ARHGAP18: variants seen among roughly 807,000 people sequenced by gnomAD.
ARHGAP18 encodes the protein Rho GTPase activating protein 18.
A neutral mutation model predicts 86.2 loss-of-function variants in ARHGAP18; 67 were observed. That is an observed-to-expected ratio of 0.78 (90% CI 0.64 to 0.95). The LOEUF (loss-of-function observed/expected upper bound fraction) is 0.95. ARHGAP18 is among the 40% of genes least tolerant of loss of function. The probability of loss-of-function intolerance (pLI) is 0.00; values close to 1 mark genes in which losing one functional copy is unlikely to be tolerated. For synonymous variants in ARHGAP18, 283 were observed against 280.4 expected (o/e 1.01, Z -0.09); for missense variants, 691 against 780.4 (o/e 0.89, Z 1.37).
At chr6:129,614,477 C>T (rs954911275) in intron 7 of ARHGAP18, among the ~76,000 whole-genome samples, 6 of 151,964 alleles carry the variant, frequency 3.9e-5, no homozygotes, top group African/African-American at 1.5e-4. Flanking sequence ...GATAAGACAG[C>T]CAGAGTCTGC....
At chr6:129,609,044 A>G (rs1584042531) in intron 8 of ARHGAP18, among the ~76,000 whole-genome samples, 1 of 143,146 alleles carries the variant, frequency 7.0e-6, no homozygotes, top group African/African-American at 2.6e-5. Flanking sequence ...AGAAAAAGGG[A>G]GTGGGAGATA....
chr6:129,617,306 T>C (rs887973055), intron 6 of ARHGAP18, among the ~76,000 whole-genome samples: 5 of 152,148 alleles, frequency 3.3e-5, no homozygotes, highest in African/African-American at 1.2e-4. Flanking sequence ...TTTTCCTTTA[T>C]GACGTACATC....
At chr6:129,651,590 GGC>G in intron 1 of ARHGAP18, among the ~76,000 whole-genome samples, 1 of 152,122 alleles carries the variant, frequency 6.6e-6, no homozygotes, top group African/African-American at 2.4e-5. Flanking sequence ...CTGAACTAGT[GGC>G]CCAGACAACT....
At chr6:129,634,462 C>A (rs978085927) in intron 3 of ARHGAP18, among the ~76,000 whole-genome samples, 1 of 152,070 alleles carries the variant, frequency 6.6e-6, no homozygotes, top group Non-Finnish European at 1.5e-5. Context: ...TCTATCTGTA[C>A]AGTGGAATAT....
chr6:129,623,416 G>A (rs1425136222), intron 5 of ARHGAP18, among the ~76,000 whole-genome samples: 2 of 152,052 alleles, frequency 1.3e-5, no homozygotes, highest in African/African-American at 2.4e-5. Flanking sequence ...TCAAACTAAA[G>A]CAAATTAAAG....
At chr6:129,638,252 T>A (rs1562704707) in intron 3 of ARHGAP18, 142 bp downstream of exon 3, 14 of 815,242 alleles carry the variant, frequency 1.7e-5, no homozygotes. Flanking sequence ...CAAGTCTCTC[T>A]TGTTTCCTGC....
intron 3 of ARHGAP18, among the ~76,000 whole-genome samples, chr6:129,635,499 C>T (rs1773313823): frequency 1.3e-5 from 2 of 152,212 alleles, no homozygotes; most frequent in African/African-American, 4.8e-5. Flanking sequence ...AGAGGCTGGC[C>T]CTGCATGGCA....
intron 14 of ARHGAP18, among the ~76,000 whole-genome samples, chr6:129,579,352 A>C (rs1788241318): frequency 6.6e-6 from 1 of 152,112 alleles, no homozygotes; most frequent in Admixed American, 6.6e-5. Flanking sequence ...TTAACTTTTA[A>C]TATTTACTAA....
chr6:129,612,179 T>TTCTTTG (rs1562689647), intron 7 of ARHGAP18, among the ~76,000 whole-genome samples: 1 of 152,160 alleles, frequency 6.6e-6, no homozygotes, highest in African/African-American at 2.4e-5. Flanking sequence ...CAAAAAGCAT[T>TTCTTTG]TTTTTGTTTT....
At chr6:129,661,402 T>C (rs867437576) in intron 1 of ARHGAP18, among the ~76,000 whole-genome samples, 15 of 149,892 alleles carry the variant, frequency 1.0e-4, no homozygotes, top group Non-Finnish European at 1.5e-4. Flanking sequence ...ATGATGAATA[T>C]AAAAATATTA....
chr6:129,680,006 A>C (rs1206257405), intron 1 of ARHGAP18, among the ~76,000 whole-genome samples: 4 of 152,162 alleles, frequency 2.6e-5, no homozygotes, highest in African/African-American at 9.7e-5. Context: ...CCATCTTTAC[A>C]TGCTTCTCCT....
intron 7 of ARHGAP18, among the ~76,000 whole-genome samples, chr6:129,614,708 G>A (rs945664722): frequency 2.0e-5 from 3 of 151,252 alleles, no homozygotes; most frequent in African/African-American, 7.3e-5. Context: ...ATAGCGCCCA[G>A]GTGTTCAGTC....
intron 1 of ARHGAP18, among the ~76,000 whole-genome samples, chr6:129,665,922 G>A (rs1774027763): frequency 6.6e-6 from 1 of 152,156 alleles, no homozygotes. Context: ...GCTCAATGAT[G>A]TGCATCTCTT....
intron 12 of ARHGAP18, among the ~76,000 whole-genome samples, chr6:129,593,563 A>C (rs1788559410): frequency 6.6e-6 from 1 of 152,240 alleles, no homozygotes; most frequent in Non-Finnish European, 1.5e-5. Context: ...ATTTTATAAA[A>C]GAAACTGAAG....
At chr6:129,612,247 C>G (rs1788995105) in intron 7 of ARHGAP18, among the ~76,000 whole-genome samples, 1 of 152,154 alleles carries the variant, frequency 6.6e-6, no homozygotes, top group African/African-American at 2.4e-5. Context: ...ATTACAATGA[C>G]TACTGGAGGC....
chr6:129,585,178 G>C (rs1385887261), intron 12 of ARHGAP18, among the ~76,000 whole-genome samples: 2 of 151,794 alleles, frequency 1.3e-5, no homozygotes, highest in African/African-American at 4.8e-5. Context: ...TGTAATCCCA[G>C]CTACTCGGGA....
intron 1 of ARHGAP18, among the ~76,000 whole-genome samples, chr6:129,697,653 T>G (rs188428770): frequency 6.6e-6 from 1 of 152,328 alleles, no homozygotes; most frequent in Non-Finnish European, 1.5e-5. Context: ...TGCCTAAATA[T>G]ATCCAGTGTG....
intron 12 of ARHGAP18, among the ~76,000 whole-genome samples, chr6:129,586,054 T>C (rs1788389795): frequency 6.6e-6 from 1 of 152,208 alleles, no homozygotes; most frequent in East Asian, 1.9e-4. Flanking sequence ...CTTCTTGCAA[T>C]GGATGGGGCA....
intron 5 of ARHGAP18, among the ~76,000 whole-genome samples, chr6:129,625,475 TTATATTA>T (rs1789386261): frequency 2.9e-5 from 1 of 34,052 alleles, no homozygotes; most frequent in Non-Finnish European, 5.1e-5. Flanking sequence ...AATATATATT[TTATATTA>T]TATATTATAT....
Sources: gnomAD v4.1 joint callset for allele counts (sites outside exome capture counted in the v4.1 genomes callset) on GRCh38, gnomAD v4.1.1 for gene constraint, MANE v1.5 for transcripts, NCBI Gene and HGNC (gene_info 2026-07-23, HGNC 2026-07-21) for gene names.